Variants in GALNT13 observed in about 807,000 individuals in gnomAD.
The protein encoded by GALNT13 is UDP-GalNAc:polypeptide N-acetylgalactosaminyltransferase 13.
Under a neutral mutation model 64.2 loss-of-function variants are expected in GALNT13, and 28 were observed. The observed-to-expected ratio is 0.44, with a 90% confidence interval of 0.32 to 0.60. The LOEUF (loss-of-function observed/expected upper bound fraction) is 0.60, where lower values mean the gene tolerates loss of function less well. Among genes scored for constraint, GALNT13 ranks in the 20% least tolerant of loss-of-function variants. The pLI, the probability that GALNT13 is intolerant of heterozygous loss-of-function variation, is 0.05. For synonymous variants in GALNT13, 214 were observed against 224.6 expected (o/e 0.95, Z 0.42); for missense variants, 577 against 669.8 (o/e 0.86, Z 1.53).
intron 3 of GALNT13, among the ~76,000 whole-genome samples, chr2:154,062,768 A>T (rs184432286): frequency 7.9e-5 from 12 of 152,074 alleles, no homozygotes; most frequent in Non-Finnish European, 5.9e-5. Context: ...CCATATCAAC[A>T]TTTCTAGTGT....
At chr2:153,611,126 T>G in the GALNT13 span, among the ~76,000 whole-genome samples, 1 of 152,212 alleles carries the variant, frequency 6.6e-6, no homozygotes, top group African/African-American at 2.4e-5. Flanking sequence ...ATTTGAAAAT[T>G]TAAAGTTAAC....
chr2:154,450,592 T>G lies in GALNT13; in HGVS notation c.*41T>G. ...AGCCATGAAAGTGTCTACGCTTTTG[T>G]TTTTCCATTATTTCAATTGGGGGAA... On this transcript the variant is annotated 3_prime_UTR_variant, in exon 13 of 13. Transcript: ENST00000392825. 4.0e-6 allele frequency: 6 copies of G among 1,491,460 alleles called. No homozygotes were observed. The South Asian group carries it at 5.5e-5, about 14-fold the overall frequency. The allele number at this position is 1,491,460 out of a possible 1,614,324, so 92.4% of individuals were successfully genotyped here. A position where few individuals can be genotyped will look rare whatever the true frequency, so the allele number is the denominator to read the frequency against.
chr2:153,726,536 A>G, the GALNT13 span, among the ~76,000 whole-genome samples: 11 of 152,224 alleles, frequency 7.2e-5, no homozygotes, highest in African/African-American at 1.9e-4. Context: ...CTTTCAGACA[A>G]TGAATGCCTA....
intron 3 of GALNT13, among the ~76,000 whole-genome samples, chr2:154,035,161 G>GTA (rs1264153262): frequency 2.0e-5 from 3 of 152,018 alleles, no homozygotes; most frequent in East Asian, 1.9e-4. Context: ...TAAATGTGAA[G>GTA]TATATATACA....
chr2:153,582,339 T>G, the GALNT13 span, among the ~76,000 whole-genome samples: 5 of 152,194 alleles, frequency 3.3e-5, no homozygotes, highest in African/African-American at 9.6e-5. Flanking sequence ...GGATTTTTTT[T>G]TCCATGTAAA....
chr2:153,256,354 A>C, the GALNT13 span, among the ~76,000 whole-genome samples: 1 of 152,174 alleles, frequency 6.6e-6, no homozygotes, highest in Non-Finnish European at 1.5e-5. Flanking sequence ...CGGTTAGTCT[A>C]GTTATACATT....
chr2:153,829,539 T>G, the GALNT13 span, among the ~76,000 whole-genome samples: 1 of 152,126 alleles, frequency 6.6e-6, no homozygotes, highest in Non-Finnish European at 1.5e-5. Flanking sequence ...ATGATTCAAT[T>G]ACCTCCTACT....
chr2:153,110,388 C>T, the GALNT13 span, among the ~76,000 whole-genome samples: 1 of 152,076 alleles, frequency 6.6e-6, no homozygotes, highest in African/African-American at 2.4e-5. Flanking sequence ...CCAACAGCTA[C>T]CATCCAAATG....
chr2:154,371,175 G>A (rs998173622), intron 9 of GALNT13, among the ~76,000 whole-genome samples: 5 of 143,366 alleles, frequency 3.5e-5, no homozygotes, highest in African/African-American at 1.3e-4. Flanking sequence ...TAGATTGAAG[G>A]CAGAATAGGA....
chr2:153,463,285 G>A, the GALNT13 span, among the ~76,000 whole-genome samples: 1 of 152,054 alleles, frequency 6.6e-6, no homozygotes, highest in South Asian at 2.1e-4. Flanking sequence ...AAATCCAAGT[G>A]TGTATTAGGG....
intron 3 of GALNT13, among the ~76,000 whole-genome samples, chr2:153,999,076 G>T (rs940798445): frequency 3.3e-5 from 5 of 152,050 alleles, no homozygotes; most frequent in African/African-American, 1.2e-4. Flanking sequence ...CACCAAAAAA[G>T]AGCCCGCATA....
the GALNT13 span, among the ~76,000 whole-genome samples, chr2:153,078,315 ATTC>A: frequency 2.2e-5 from 3 of 133,408 alleles, no homozygotes; most frequent in African/African-American, 8.3e-5. Flanking sequence ...CTTCCTTTTC[ATTC>A]TTTTTTTTTT....
At chr2:153,110,747 G>A in the GALNT13 span, among the ~76,000 whole-genome samples, 8 of 152,162 alleles carry the variant, frequency 5.3e-5, no homozygotes, top group South Asian at 2.1e-4. Flanking sequence ...CCTTTATTGC[G>A]TTAATACCTT....
At chr2:154,149,370 C>G (rs1460712976) in intron 4 of GALNT13, among the ~76,000 whole-genome samples, 1 of 152,144 alleles carries the variant, frequency 6.6e-6, no homozygotes, top group Non-Finnish European at 1.5e-5. Context: ...GTGATGCCTC[C>G]AGCTTTGTTC....
intron 2 of GALNT13, among the ~76,000 whole-genome samples, chr2:153,925,498 C>CTTTT (rs35443709): frequency 2.5e-5 from 3 of 117,654 alleles, no homozygotes; most frequent in Admixed American, 1.8e-4. Flanking sequence ...AAGCCTCGAG[C>CTTTT]TTTTTTTTTT....
At chr2:153,724,124 AG>A in the GALNT13 span, among the ~76,000 whole-genome samples, 1 of 138,642 alleles carries the variant, frequency 7.2e-6, no homozygotes, top group Non-Finnish European at 1.5e-5. Context: ...TCAATGGAAC[AG>A]AACAGAGCCC....
chr2:153,568,612 G>C, the GALNT13 span, among the ~76,000 whole-genome samples: 1 of 152,098 alleles, frequency 6.6e-6, no homozygotes, highest in East Asian at 1.9e-4. Flanking sequence ...TTTTATAGAT[G>C]ACATTTTTTC....
intron 4 of GALNT13, among the ~76,000 whole-genome samples, chr2:154,151,092 G>C (rs957295130): frequency 2.1e-4 from 32 of 152,216 alleles, no homozygotes; most frequent in Admixed American, 1.8e-3. Context: ...CCTCTACACA[G>C]TGCTTCGAAT....
chr2:153,919,113 C>G (rs16835385), intron 2 of GALNT13, among the ~76,000 whole-genome samples: 26,744 of 151,980 alleles, frequency 0.18, 4,316 homozygotes, highest in East Asian at 0.74. Flanking sequence ...TTCTGTCTTT[C>G]TCCTCCCTTG....
Sources: gnomAD v4.1 joint callset for allele counts (sites outside exome capture counted in the v4.1 genomes callset) on GRCh38, gnomAD v4.1.1 for gene constraint, MANE v1.5 for transcripts, NCBI Gene and HGNC (gene_info 2026-07-23, HGNC 2026-07-21) for gene names.